The following ACO2 variants were observed in gnomAD, a reference collection of about 807,000 sequenced individuals.
The protein encoded by ACO2 is aconitate hydratase, mitochondrial.
ACO2 carries 31 observed loss-of-function variants against 84.5 expected under a neutral mutation model. The ratio of observed to expected loss-of-function variants is 0.37; its 90% CI spans 0.28 to 0.50. ACO2 has a LOEUF of 0.50. ACO2 is among the 20% of genes least tolerant of loss of function. The pLI is 0.97. For missense variants in ACO2, 685 were observed against 1,029.3 expected, an observed-to-expected ratio of 0.67 and a Z score of 4.58; for synonymous variants, 414 against 412.7, an observed-to-expected ratio of 1.00 and a Z score of -0.04.
In ACO2 at chr22:41,504,107, T is replaced by C. The variant is rs1423215795; in HGVS notation, c.174-3684T>C. Among the ~76,000 whole-genome samples, 3 of 152,112 alleles carry C rather than the reference T, an allele frequency of 2.0e-5. No individual in the cohort carries two copies. In the East Asian group the frequency reaches 5.8e-4, roughly 29 times the overall value. ...GGCGAGCGCCTGTAATCCCGGCCACTCGGGAGGCTGAGGCAGGAGAGCCGC... is the reference window on the plus strand; with the variant it reads ...GGCGAGCGCCTGTAATCCCGGCCACCCGGGAGGCTGAGGCAGGAGAGCCGC... On this transcript the variant is annotated intron_variant, in intron 2 of 17. Coordinates refer to ENST00000216254, the MANE Select transcript of ACO2 (RefSeq NM_001098.3).
intron 1 of ACO2, among the ~76,000 whole-genome samples, chr22:41,483,765 T>C (rs1470613714): frequency 6.6e-6 from 1 of 152,166 alleles, no homozygotes; most frequent in African/African-American, 2.4e-5. Context: ...CCCAGCACTT[T>C]AGGAGGCTGC....
At chr22:41,511,675 T>C (rs556374093) in intron 3 of ACO2, among the ~76,000 whole-genome samples, 1 of 152,218 alleles carries the variant, frequency 6.6e-6, no homozygotes, top group Admixed American at 6.5e-5. Flanking sequence ...CCCCTGTCCT[T>C]CTCTCTGACA....
chr22:41,499,701 G>T, intron 1 of ACO2, 25 bp from the exon 2 acceptor site: 1 of 1,608,120 alleles, frequency 6.2e-7, no homozygotes, highest in Non-Finnish European at 8.5e-7. Flanking sequence ...TCCATTGACA[G>T]TGGCTGTCAT....
chr22:41,520,592 C>G (rs1015611007), intron 9 of ACO2, among the ~76,000 whole-genome samples: 4 of 151,570 alleles, frequency 2.6e-5, no homozygotes, highest in African/African-American at 9.7e-5. Flanking sequence ...CCTGTAATCC[C>G]AGCACTTTGG....
intron 9 of ACO2, among the ~76,000 whole-genome samples, chr22:41,521,962 G>A (rs2066530316): frequency 6.6e-6 from 1 of 152,094 alleles, no homozygotes; most frequent in African/African-American, 2.4e-5. Flanking sequence ...AGTAGAGATG[G>A]GGGTTTCACT....
At chr22:41,490,347 A>G (rs1053456462) in intron 1 of ACO2, among the ~76,000 whole-genome samples, 1 of 152,202 alleles carries the variant, frequency 6.6e-6, no homozygotes, top group Non-Finnish European at 1.5e-5. Flanking sequence ...TTGTGGTCAA[A>G]TCTAACAGAA....
chr22:41,517,222 G>A, intron 6 of ACO2: 1 of 383,772 alleles, frequency 2.6e-6, no homozygotes, highest in Non-Finnish European at 5.0e-6. Flanking sequence ...TCTCTTGGGC[G>A]ACAGTCAGGC....
intron 1 of ACO2, among the ~76,000 whole-genome samples, chr22:41,490,925 G>A (rs1268121581): frequency 2.0e-5 from 3 of 151,988 alleles, no homozygotes; most frequent in African/African-American, 7.2e-5. Context: ...TGAATAAACA[G>A]AGACAATCTC....
intron 2 of ACO2, among the ~76,000 whole-genome samples, chr22:41,506,444 A>G (rs191097375): frequency 2.0e-4 from 31 of 152,078 alleles, no homozygotes; most frequent in African/African-American, 7.2e-4. Flanking sequence ...TAGTAGAGAC[A>G]GTGTTTCACC....
chr22:41,511,260 C>G (rs2066430950), intron 3 of ACO2, among the ~76,000 whole-genome samples: 1 of 152,212 alleles, frequency 6.6e-6, no homozygotes, highest in African/African-American at 2.4e-5. Context: ...GCATCCTTGT[C>G]TCCCAGGTTC....
chr22:41,491,693 T>C (rs1012678228), intron 1 of ACO2, among the ~76,000 whole-genome samples: 1 of 152,228 alleles, frequency 6.6e-6, no homozygotes, highest in Non-Finnish European at 1.5e-5. Context: ...GGAAACAATA[T>C]AGTATAACAC....
intron 1 of ACO2, among the ~76,000 whole-genome samples, chr22:41,485,200 T>G (rs1248692398): frequency 1.3e-5 from 2 of 151,996 alleles, no homozygotes; most frequent in Non-Finnish European, 2.9e-5. Context: ...TGTGCCACAT[T>G]GCCCCTTGTA....
intron 2 of ACO2, among the ~76,000 whole-genome samples, chr22:41,502,481 A>G (rs2066360197): frequency 6.6e-6 from 1 of 152,202 alleles, no homozygotes; most frequent in African/African-American, 2.4e-5. Context: ...CGTTGTATTT[A>G]TTCTTGGAGC....
At chr22:41,513,820 T>C (rs2066455500) in intron 4 of ACO2, among the ~76,000 whole-genome samples, 3 of 152,152 alleles carry the variant, frequency 2.0e-5, no homozygotes, top group Admixed American at 6.5e-5. Flanking sequence ...CTCACCCCCA[T>C]CTGTCCAGCC....
At chr22:41,485,463 CG>C (rs1254475703) in intron 1 of ACO2, among the ~76,000 whole-genome samples, 1 of 105,976 alleles carries the variant, frequency 9.4e-6, no homozygotes, top group East Asian at 3.1e-4. Context: ...TTTTTTGAGA[CG>C]GAGTCTCGCT....
chr22:41,514,447 G>A (rs1351859175), intron 4 of ACO2, among the ~76,000 whole-genome samples: 2 of 152,218 alleles, frequency 1.3e-5, no homozygotes, highest in Admixed American at 1.3e-4. Flanking sequence ...GCTATTTCTT[G>A]ATAGGGAAAC....
rs190331580 is a variant in ACO2 at position 41,515,658 on chromosome 22, A to T, written c.685-109A>T. 48 of 1,591,870 alleles carry T rather than the reference A, an allele frequency of 3.0e-5. No individual in the cohort carries two copies. The East Asian group carries it at 1.1e-3, about 36-fold the overall frequency. Reference sequence around the variant, plus strand: ...GTTAGACTCGAATCTTCTGGGAGGGAGGTAGAGACCAATAAGCAGCAATGT... The same window carrying T: ...GTTAGACTCGAATCTTCTGGGAGGGTGGTAGAGACCAATAAGCAGCAATGT... On this transcript the variant is annotated intron_variant, in intron 5 of 17. Transcript: ENST00000216254. This position sits in a 1 kb window ranked among gnomAD's most constrained non-coding sequence, Gnocchi z 5.8.
chr22:41,520,499 G>T (rs1345194336), intron 9 of ACO2, among the ~76,000 whole-genome samples: 1 of 152,010 alleles, frequency 6.6e-6, no homozygotes, highest in Non-Finnish European at 1.5e-5. Context: ...TGAGTCTAGG[G>T]GTTCAAGACC....
chr22:41,510,550 C>T (rs1007711573), intron 3 of ACO2, among the ~76,000 whole-genome samples: 6 of 152,132 alleles, frequency 3.9e-5, no homozygotes, highest in Non-Finnish European at 7.4e-5. Flanking sequence ...ATCAAGGGTC[C>T]GAGGGCACTG....
Sources: gnomAD v4.1 joint callset for allele counts (sites outside exome capture counted in the v4.1 genomes callset) on GRCh38, gnomAD v4.1.1 for gene constraint, Gnocchi (gnomAD v3.1) non-coding constraint, MANE v1.5 for transcripts, NCBI Gene and HGNC (gene_info 2026-07-23, HGNC 2026-07-21) for gene names.